TXNDC11: variants seen among roughly 807,000 people sequenced by gnomAD.
TXNDC11 encodes thioredoxin domain-containing protein 11.
A neutral mutation model predicts 78.0 loss-of-function variants in TXNDC11; 68 were observed. The observed-to-expected ratio is 0.87, with a 90% CI of 0.72 to 1.07. The LOEUF is 1.07. TXNDC11 is among the 50% of genes least tolerant of loss of function. The probability of loss-of-function intolerance (pLI) is 0.00; values close to 1 mark genes in which losing one functional copy is unlikely to be tolerated. For missense variants in TXNDC11, 1,389 were observed against 1,221.8 expected (o/e 1.14, Z -2.04); for synonymous variants, 571 against 495.2 (o/e 1.15, Z -2.03).
intron 5 of TXNDC11, among the ~76,000 whole-genome samples, chr16:11,704,755 T>C (rs547913972): frequency 3.9e-5 from 6 of 152,248 alleles, no homozygotes; most frequent in African/African-American, 1.4e-4. Context: ...GGATTTGTCA[T>C]AGGTTGAAGG....
chr16:11,684,066 T>C lies in TXNDC11; in HGVS notation c.2234+99A>G. The C allele has an allele frequency of 9.2e-6, 8 of 869,506 alleles. No individual in the cohort carries two copies. In the South Asian group the frequency reaches 1.2e-4, roughly 13 times the overall value. The allele number at this position is 869,506 out of a possible 1,614,324, so 53.9% of individuals were successfully genotyped here. A position where few individuals can be genotyped will look rare whatever the true frequency, so the allele number is the denominator to read the frequency against. ...ACGCCTGGTTCCTAAGGGAACATTT[T>C]TTGAACATAATGAATGATTTACATC... On this transcript the variant is annotated intron_variant, in intron 11 of 11. Coordinates refer to ENST00000283033, the MANE Select transcript of TXNDC11 (RefSeq NM_015914.7).
At chr16:11,741,104 C>G (rs187276466) in intron 1 of TXNDC11, among the ~76,000 whole-genome samples, 9 of 152,262 alleles carry the variant, frequency 5.9e-5, no homozygotes, top group Non-Finnish European at 1.3e-4. Context: ...AGTGCCAAGA[C>G]GGAGAAACCC....
intron 7 of TXNDC11, among the ~76,000 whole-genome samples, chr16:11,697,498 C>T (rs1372702979): frequency 6.6e-6 from 1 of 152,182 alleles, no homozygotes; most frequent in Non-Finnish European, 1.5e-5. Context: ...TCTCTGAGCG[C>T]CTCCAAATGC....
rs751366226 is a variant in TXNDC11 at position 11,691,682 on chromosome 16, C to A, written c.1508G>T (p.Ser503Ile). 6 of 1,614,080 alleles carry A rather than the reference C, an allele frequency of 3.7e-6. No individual in the cohort carries two copies. In the East Asian group the frequency reaches 6.7e-5, roughly 18 times the overall value. ...GGTCCTGCAACATGCAGTGTAGTAGCTGAAGGGGCTATAGGAAGTTAAAAA... is the reference window on the plus strand; with the variant it reads ...GGTCCTGCAACATGCAGTGTAGTAGATGAAGGGGCTATAGGAAGTTAAAAA... ...SNFLTSYSPF[S>I]YYTACCRTIS... Residue 503 changes from serine (S) to isoleucine (I), a missense_variant, in exon 8 of 12, where the codon AGC becomes ATC. Ser to Ile is a moderately radical substitution (Grantham distance 142, BLOSUM62 -2). Transcript: ENST00000283033.
chr16:11,704,581 CCT>C lies in TXNDC11; in HGVS notation c.794-4019_794-4018del, dbSNP rs529722574. On this transcript the variant is annotated intron_variant, in intron 5 of 11. Transcript: ENST00000283033. The stretch of plus-strand genomic sequence containing the variant: ...AGACACACTGACATCATATGAACCC[CCT>C]GATAAGAAGTGCTGAGAAGTACCTA... 3.1e-3 allele frequency among the ~76,000 whole-genome samples: 468 copies of C among 152,272 alleles called. 5 individuals carry two copies. The highest frequency in any genetic ancestry group is 5.3e-3 in the Non-Finnish European group (359 of 68,018).
Position 11,736,231 on chromosome 16 carries a change from C to A in TXNDC11, c.257G>T (p.Arg86Leu), listed in dbSNP as rs146479599. The A allele has an allele frequency of 1.9e-6, 3 of 1,603,486 alleles. No individual in the cohort carries two copies. Among genetic ancestry groups the A allele is most frequent in the East Asian group, 2.2e-5 (1 of 44,510 alleles). Residue 86 changes from arginine to leucine, a missense_variant and splice_region_variant, in exon 2 of 12, where the codon CGA (arginine) becomes CTA (leucine). Coordinates refer to ENST00000283033, the MANE Select transcript of TXNDC11 (RefSeq NM_015914.7). Reference sequence around the variant, plus strand: ...TGCTGGTATTATCACATCTTTTGCTCGACTAAAAAAGAGCAAACACAGAAA... The same window carrying A: ...TGCTGGTATTATCACATCTTTTGCTAGACTAAAAAAGAGCAAACACAGAAA... The part of the protein sequence containing the change: ...LLLALKFTCS[R>L]AKDVIIPAKP...
chr16:11,696,793 GAA>G (rs1261813875), intron 7 of TXNDC11, among the ~76,000 whole-genome samples: 1 of 152,120 alleles, frequency 6.6e-6, no homozygotes, highest in Non-Finnish European at 1.5e-5. Context: ...CAACAGGCGA[GAA>G]AGAGTCTTCC....
intron 5 of TXNDC11, 160 bp downstream of exon 5, chr16:11,721,417 C>T (rs187864529): frequency 2.9e-5 from 12 of 409,656 alleles, no homozygotes; most frequent in South Asian, 8.6e-5. Context: ...CCAGCCTGGG[C>T]GGCAGGGCGA....
chr16:11,702,089 T>C (rs995719147), intron 5 of TXNDC11, among the ~76,000 whole-genome samples: 2 of 135,450 alleles, frequency 1.5e-5, no homozygotes, highest in African/African-American at 5.9e-5. Context: ...TATGTATGTA[T>C]GTGTATATAT....
intron 5 of TXNDC11, among the ~76,000 whole-genome samples, chr16:11,707,752 C>T (rs2051225551): frequency 6.6e-6 from 1 of 152,022 alleles, no homozygotes; most frequent in South Asian, 2.1e-4. Context: ...CCCAGCCTCA[C>T]CTGCTTCTTT....
chr16:11,734,537 C>T (rs1418081158), intron 2 of TXNDC11, among the ~76,000 whole-genome samples: 2 of 152,188 alleles, frequency 1.3e-5, no homozygotes, highest in Non-Finnish European at 2.9e-5. Flanking sequence ...ACAGGGCTGA[C>T]AGCATCGCCT....
At chr16:11,701,389 T>G (rs900634819) in intron 5 of TXNDC11, among the ~76,000 whole-genome samples, 5 of 152,150 alleles carry the variant, frequency 3.3e-5, no homozygotes, top group Admixed American at 3.3e-4. Context: ...TGCCTGCCTC[T>G]GCCTCCCAAA....
chr16:11,690,891 A>T, intron 8 of TXNDC11: 1 of 197,336 alleles, frequency 5.1e-6, no homozygotes, highest in Non-Finnish European at 1.0e-5. Context: ...TTTAGAACAA[A>T]GCTGCTGTCA....
intron 4 of TXNDC11, among the ~76,000 whole-genome samples, chr16:11,729,382 C>T (rs558539884): frequency 2.0e-5 from 3 of 152,306 alleles, no homozygotes; most frequent in South Asian, 2.1e-4. Flanking sequence ...AATATTTACT[C>T]TGATGCATAG....
rs184698218 is a variant in TXNDC11, at chr16:11,717,873, T to A, written c.793+3704A>T. Among the ~76,000 whole-genome samples, 299 of 150,120 alleles carry A rather than the reference T, an allele frequency of 2.0e-3. 1 individual carries two copies. The highest frequency in any genetic ancestry group is 3.5e-3 in the Non-Finnish European group (237 of 67,720). ...TAATGGACAGAAATATGCACAAGAG[T>A]TCCTGTCCACAACACCTTAACAGGT... is the stretch of plus-strand genomic sequence containing the variant. On this transcript the variant is annotated intron_variant, in intron 5 of 11. Transcript: ENST00000283033.
intron 5 of TXNDC11, among the ~76,000 whole-genome samples, chr16:11,704,927 T>A (rs1330961297): frequency 6.6e-6 from 1 of 151,808 alleles, no homozygotes; most frequent in Non-Finnish European, 1.5e-5. Flanking sequence ...TTTTTTTTTT[T>A]GAGACAGATT....
At chr16:11,737,272 CCT>C (rs2141125530) in intron 1 of TXNDC11, among the ~76,000 whole-genome samples, 1 of 151,574 alleles carries the variant, frequency 6.6e-6, no homozygotes, top group African/African-American at 2.4e-5. Flanking sequence ...ATGGTGAAAC[CCT>C]GTCTCTACTG....
At chr16:11,707,402 T>C (rs1012707900) in intron 5 of TXNDC11, among the ~76,000 whole-genome samples, 1 of 151,952 alleles carries the variant, frequency 6.6e-6, no homozygotes, top group Non-Finnish European at 1.5e-5. Flanking sequence ...TTGAAATAAT[T>C]TGGATACACT....
intron 5 of TXNDC11, among the ~76,000 whole-genome samples, chr16:11,714,897 T>A (rs1378102027): frequency 2.6e-5 from 4 of 152,148 alleles, no homozygotes; most frequent in African/African-American, 9.7e-5. Flanking sequence ...GGTTTCCTCA[T>A]CAACTGAGTT....
Sources: gnomAD v4.1 joint callset for allele counts (sites outside exome capture counted in the v4.1 genomes callset) on GRCh38, gnomAD v4.1.1 for gene constraint, MANE v1.5 for transcripts, NCBI Gene and HGNC (gene_info 2026-07-23, HGNC 2026-07-21) for gene names.